Variants in CACNA1H observed in about 807,000 individuals in gnomAD.
CACNA1H encodes the protein voltage-dependent T-type calcium channel subunit alpha-1H.
A neutral mutation model predicts 192.5 loss-of-function variants in CACNA1H; 149 were observed. That is an observed-to-expected ratio of 0.77 (90% CI 0.68 to 0.89). The LOEUF is 0.89. CACNA1H is among the 40% of genes least tolerant of loss of function. CACNA1H has a pLI of 0.00. For synonymous variants in CACNA1H, 2,202 were observed against 1,475.2 expected (o/e 1.49, Z -11.29); for missense variants, 4,257 against 3,423.5 (o/e 1.24, Z -6.08).
rs532569668 is a variant in CACNA1H, at chr16:1,207,355, G to A, written c.2988G>A (p.Val996=). The A allele has an allele frequency of 1.2e-6, 2 of 1,613,102 alleles. No individual in the cohort carries two copies. Among genetic ancestry groups the A allele is most frequent in the African/African-American group, 1.3e-5 (1 of 74,996 alleles). The change falls in exon 14 of 35, where the codon GTG becomes GTA. Residue 996 remains valine (V), a synonymous_variant. Transcript: ENST00000348261. ...CCTCCTGGGCCGCCCTCTACTTCGT[G>A]GCCCTCATGACCTTCGGCAACTATG... The part of the protein sequence containing the change: ...STSSWAALYF[V]ALMTFGNYVL...
chr16:1,209,723 A>G (rs895272974), intron 17 of CACNA1H, among the ~76,000 whole-genome samples: 2 of 152,142 alleles, frequency 1.3e-5, no homozygotes, highest in Non-Finnish European at 2.9e-5. Flanking sequence ...AGGGCCAGGC[A>G]TCCGCTAGGC....
chr16:1,156,371 T>C (rs1449164726), intron 2 of CACNA1H, among the ~76,000 whole-genome samples: 6 of 152,152 alleles, frequency 3.9e-5, no homozygotes, highest in Non-Finnish European at 5.9e-5. Context: ...GCCTGGCCTG[T>C]AGCGAGGGTG....
Position 1,211,509 on chromosome 16 carries a change from A to T in CACNA1H, c.4379A>T (p.Glu1460Val). The T allele has an allele frequency of 6.2e-7, 1 of 1,612,450 alleles. No homozygotes were observed. Among genetic ancestry groups the T allele is most frequent in the African/African-American group, 1.3e-5 (1 of 75,026 alleles). ...QLFKGKFYYC[E>V]GPDTRNISTK... ...TTCAAAGGGAAGTTCTACTACTGCGAGGGCCCCGACACCAGGAACATCTCC... is the reference window on the plus strand; with the variant it reads ...TTCAAAGGGAAGTTCTACTACTGCGTGGGCCCCGACACCAGGAACATCTCC... The change falls in exon 23 of 35, where the codon GAG (glutamate) becomes GTG (valine). Residue 1460 changes from glutamate to valine, a missense_variant. By Grantham distance (121) the Glu-to-Val change is moderately radical (BLOSUM62 -2). Coordinates refer to ENST00000348261, the MANE Select transcript of CACNA1H (RefSeq NM_021098.3).
chr16:1,201,294 C>T (rs1268608130), intron 8 of CACNA1H, among the ~76,000 whole-genome samples: 3 of 152,150 alleles, frequency 2.0e-5, no homozygotes, highest in East Asian at 1.9e-4. Flanking sequence ...CGATTAGAGA[C>T]TTGCTGCACG....
intron 2 of CACNA1H, among the ~76,000 whole-genome samples, chr16:1,193,300 C>T (rs750396000): frequency 1.3e-5 from 2 of 152,246 alleles, no homozygotes; most frequent in African/African-American, 2.4e-5. Context: ...AGGCTGGGGG[C>T]GGAGCCGCCA....
chr16:1,220,577 A>G lies in CACNA1H; in HGVS notation c.6645A>G (p.Thr2215=), dbSNP rs1402669757. 1.5e-5 allele frequency: 23 copies of G among 1,539,834 alleles called. No homozygotes were observed. Among genetic ancestry groups the G allele is most frequent in the Non-Finnish European group, 2.0e-5 (23 of 1,150,170 alleles). ...RPSAAEGGST[T]LRRRTPSCEA... ...CCGCGGCAGAGGGCGGCAGCACCAC[A>G]CTGAGGCGCAGGACCCCGTCCTGTG... is the stretch of plus-strand genomic sequence containing the variant. Residue 2215 remains threonine (T), a synonymous_variant, in exon 35 of 35, where the codon ACA becomes ACG. Transcript: ENST00000348261.
Position 1,211,270 on chromosome 16 carries a change from C to T in CACNA1H, c.4326C>T (p.Ile1442=), listed in dbSNP as rs1171391522. 4 of 1,613,008 alleles carry T rather than the reference C, an allele frequency of 2.5e-6. No individual in the cohort carries two copies. Among genetic ancestry groups the T allele is most frequent in the African/African-American group, 1.3e-5 (1 of 74,940 alleles). ...NIVLICCAFF[I]IFGILGVQLF... is the part of the protein sequence containing the mutation. The stretch of plus-strand genomic sequence containing the variant: ...TCCTCATCTGCTGCGCCTTCTTCAT[C>T]ATTTTTGGCATTTTGGGTGTGCAGG... The change falls in exon 22 of 35, where the codon ATC becomes ATT. Residue 1442 remains isoleucine (I), a synonymous_variant. Transcript: ENST00000348261.
intron 11 of CACNA1H, among the ~76,000 whole-genome samples, chr16:1,205,667 A>G (rs1001403844): frequency 2.0e-5 from 3 of 152,186 alleles, no homozygotes; most frequent in Non-Finnish European, 4.4e-5. Context: ...ACCAGAAAGG[A>G]TTGGGAAAAT....
Position 1,220,440 on chromosome 16 carries a change from G to GCCTGGGGC in CACNA1H, c.6513_6520dup (p.Glu2174GlyfsTer17), listed in dbSNP as rs1213335163. 1 of 1,539,584 alleles carries GCCTGGGGC rather than the reference G, an allele frequency of 6.5e-7. No homozygotes were observed. The highest frequency in any genetic ancestry group is 2.3e-5 in the East Asian group (1 of 43,832). On this transcript the variant is annotated frameshift_variant, in exon 35 of 35. Coordinates refer to ENST00000348261, the MANE Select transcript of CACNA1H (RefSeq NM_021098.3). LOFTEE classifies it low-confidence loss of function (END_TRUNC). Reference sequence around the variant, plus strand: ...CAGCGGGGAGCCTGGGGAGGCGAAGGCCTGGGGCCCTGAGGCCGAGCCCGC... The same window carrying GCCTGGGGC: ...CAGCGGGGAGCCTGGGGAGGCGAAGGCCTGGGGCCCTGGGGCCCTGAGGCCGAGCCCGC...
intron 31 of CACNA1H, 87 bp from the exon 32 acceptor site, chr16:1,217,832 C>T: frequency 1.4e-6 from 2 of 1,475,492 alleles, no homozygotes; most frequent in Non-Finnish European, 1.8e-6. Context: ...CCTCTGGGCT[C>T]CCCAAGGGGC....
chr16:1,205,154 T>C lies in CACNA1H; in HGVS notation c.2492T>C (p.Val831Ala). Residue 831 changes from valine (V) to alanine (A), a missense_variant, in exon 11 of 35, where the codon GTG becomes GCG. By Grantham distance (64) the Val-to-Ala change is moderately conservative. Transcript: ENST00000348261. ...AATGCTCTGGAGATCAGCAACATCG[T>C]GTTCACCAGCATGTTTGCCCTGGAG... Reference protein sequence around the residue: ...LTNALEISNIVFTSMFALEML... With the variant: ...LTNALEISNIAFTSMFALEML... The C allele has an allele frequency of 3.7e-6, 6 of 1,612,944 alleles. No homozygotes were observed. Among genetic ancestry groups the C allele is most frequent in the Non-Finnish European group, 4.2e-6 (5 of 1,179,784 alleles).
At chr16:1,179,657 G>C (rs551389908) in intron 2 of CACNA1H, among the ~76,000 whole-genome samples, 1 of 151,670 alleles carries the variant, frequency 6.6e-6, no homozygotes, top group Non-Finnish European at 1.5e-5. Context: ...TTGAACTCCT[G>C]ACCTCAAGTG....
intron 2 of CACNA1H, among the ~76,000 whole-genome samples, chr16:1,186,729 G>C (rs768639929): frequency 6.6e-6 from 1 of 152,184 alleles, no homozygotes; most frequent in Admixed American, 6.5e-5. Context: ...GGGTGGCCAC[G>C]TAATGCTTCC....
rs1352758548 is a variant in CACNA1H, at chr16:1,167,691, G to A, written c.299+13655G>A. On this transcript the variant is annotated intron_variant, in intron 2 of 34. Transcript: ENST00000348261. This position sits in a 1 kb window ranked among gnomAD's most constrained non-coding sequence, Gnocchi z 4.2. The stretch of plus-strand genomic sequence containing the variant: ...TAAAGCGGTTTGGCCCATGCAAGCC[G>A]GCTCCTGGCTAGGGACCCCGAGACC... Among the ~76,000 whole-genome samples, 7 of 152,154 alleles carry A rather than the reference G, an allele frequency of 4.6e-5. No individual in the cohort carries two copies. The highest frequency in any genetic ancestry group is 4.6e-4 in the Admixed American group (7 of 15,284).
At chr16:1,204,650 T>C (rs960528252) in intron 10 of CACNA1H, among the ~76,000 whole-genome samples, 192 bp downstream of exon 10, 3 of 152,172 alleles carry the variant, frequency 2.0e-5, no homozygotes, top group Non-Finnish European at 4.4e-5. Context: ...CTCCTTGGAT[T>C]CCTGGCCTCC....
intron 14 of CACNA1H, 148 bp from the exon 15 acceptor site, chr16:1,207,622 C>T (rs1002810987): frequency 3.3e-6 from 3 of 905,262 alleles, no homozygotes; most frequent in African/African-American, 3.3e-5. Flanking sequence ...GCAGATTCCT[C>T]ACCTACCTGC....
chr16:1,214,956 G>C lies in CACNA1H; in HGVS notation c.4930-16G>C. On this transcript the variant is annotated splice_polypyrimidine_tract_variant and intron_variant, in intron 27 of 34. Transcript: ENST00000348261. The stretch of plus-strand genomic sequence containing the variant: ...GCCCCAGCCCCACCTCAGCCAGCCC[G>C]ACCCTCCACCCCCAGTCGCTGGACG... 1 of 1,581,684 alleles carries C rather than the reference G, an allele frequency of 6.3e-7. No homozygotes were observed. Among genetic ancestry groups the C allele is most frequent in the Non-Finnish European group, 8.6e-7 (1 of 1,159,764 alleles).
At chr16:1,189,727 A>G (rs1008576838) in intron 2 of CACNA1H, among the ~76,000 whole-genome samples, 1 of 152,024 alleles carries the variant, frequency 6.6e-6, no homozygotes, top group African/African-American at 2.4e-5. Flanking sequence ...CCAGCCTGAG[A>G]GCACTGATTA....
At position 1,221,631 on chromosome 16, in the gene CACNA1H, G is replaced by T; in HGVS notation, c.*637G>T. The stretch of plus-strand genomic sequence containing the variant: ...TCCCCTACATCTGGGGGCGTTGGCC[G>T]CGAGATTCCCATTGACACCTTTGTT... On this transcript the variant is annotated 3_prime_UTR_variant, in exon 35 of 35. Transcript: ENST00000348261. 4 of 835,476 alleles carry T rather than the reference G, an allele frequency of 4.8e-6. No homozygotes were observed. In the South Asian group the frequency reaches 5.6e-5, roughly 12 times the overall value. The allele number at this position is 835,476 out of a possible 1,614,324, so 51.8% of individuals were successfully genotyped here.
Sources: gnomAD v4.1 joint callset for allele counts (sites outside exome capture counted in the v4.1 genomes callset) on GRCh38, gnomAD v4.1.1 for gene constraint, Gnocchi (gnomAD v3.1) non-coding constraint, MANE v1.5 for transcripts, NCBI Gene and HGNC (gene_info 2026-07-23, HGNC 2026-07-21) for gene names.